SND1: variants seen among roughly 807,000 people sequenced by gnomAD.
SND1 encodes staphylococcal nuclease and tudor domain containing 1.
A neutral mutation model predicts 121.7 loss-of-function variants in SND1; 38 were observed. The observed-to-expected ratio is 0.31, with a 90% CI of 0.24 to 0.41. The LOEUF (loss-of-function observed/expected upper bound fraction) is 0.41. Among genes scored for constraint, SND1 ranks in the 10% least tolerant of loss-of-function variants. SND1 has a pLI of 1.00. For missense variants in SND1, 868 were observed against 1,184.6 expected (o/e 0.73, Z 3.92); for synonymous variants, 401 against 447.4 (o/e 0.90, Z 1.31).
chr7:127,897,527 A>G (rs1800144182), intron 13 of SND1, among the ~76,000 whole-genome samples: 1 of 152,164 alleles, frequency 6.6e-6, no homozygotes, highest in African/African-American at 2.4e-5. Flanking sequence ...TGGGATTCAT[A>G]GGGAAAGGAG....
intron 15 of SND1, among the ~76,000 whole-genome samples, chr7:127,950,975 A>G (rs192397424): frequency 6.6e-6 from 1 of 152,328 alleles, no homozygotes; most frequent in East Asian, 1.9e-4. Flanking sequence ...TGAGATTGTA[A>G]CATGGTTCAG....
At chr7:127,681,146 C>G (rs1795719338) in intron 1 of SND1, among the ~76,000 whole-genome samples, 1 of 152,166 alleles carries the variant, frequency 6.6e-6, no homozygotes, top group Admixed American at 6.5e-5. Flanking sequence ...TTTTACACAT[C>G]CTTGTCAACA....
chr7:127,880,584 C>A (rs1046963790), intron 12 of SND1, among the ~76,000 whole-genome samples: 6 of 152,048 alleles, frequency 3.9e-5, no homozygotes, highest in African/African-American at 1.4e-4. Context: ...TTCTGATCTC[C>A]ATGGATGCCT....
At chr7:127,879,087 T>G (rs1386831614) in intron 12 of SND1, among the ~76,000 whole-genome samples, 2 of 152,204 alleles carry the variant, frequency 1.3e-5, no homozygotes, top group East Asian at 3.9e-4. Flanking sequence ...AAGTTCCCTG[T>G]TAGTTTCTAT....
At chr7:128,037,605 A>G (rs1025165626) in intron 16 of SND1, among the ~76,000 whole-genome samples, 5 of 152,166 alleles carry the variant, frequency 3.3e-5, no homozygotes, top group Non-Finnish European at 2.9e-5. Context: ...GTGATGTGCC[A>G]TTTAACATGA....
chr7:128,085,775 G>A lies in SND1; in HGVS notation c.2299G>A (p.Gly767Ser), dbSNP rs770854741. Residue 767 changes from glycine (G) to serine (S), a missense_variant, in exon 20 of 24, where the codon GGC becomes AGC. Physicochemically the swap from Gly to Ser is moderately conservative, Grantham distance 56 (BLOSUM62 0). This residue lies in a region of SND1 where 743 missense variants were observed against 1,071.3 expected (regional missense o/e 0.69). Transcript: ENST00000354725. The surrounding 1 kb of genome is among the most constrained non-coding windows in gnomAD (Gnocchi z 4.4). ...AKIHVFYIDYGNREVLPSTRL... is the reference protein window; with the variant it reads ...AKIHVFYIDYSNREVLPSTRL... ...AATACATGTCTTCTACATTGACTAC[G>A]GCAACGTGAGTGTTGGGGACCAGAG... The A allele has an allele frequency of 4.3e-6, 7 of 1,613,868 alleles. No homozygotes were observed. The highest frequency in any genetic ancestry group is 1.7e-5 in the Admixed American group (1 of 60,010).
chr7:128,086,256 A>T (rs1278764744), intron 20 of SND1, among the ~76,000 whole-genome samples: 2 of 152,238 alleles, frequency 1.3e-5, no homozygotes, highest in African/African-American at 4.8e-5. Flanking sequence ...TGGGCCTGGG[A>T]GTCTGTTGAC....
At chr7:127,685,867 A>G (rs889013921) in intron 1 of SND1, 3 of 152,536 alleles carry the variant, frequency 2.0e-5, no homozygotes, top group Non-Finnish European at 4.4e-5. Flanking sequence ...AGGGGTGTGT[A>G]GGGACTTCCC....
chr7:128,070,057 C>T (rs771193029), intron 16 of SND1, among the ~76,000 whole-genome samples: 3 of 152,216 alleles, frequency 2.0e-5, no homozygotes, highest in Non-Finnish European at 4.4e-5. Context: ...GCAAGAGATG[C>T]TGGCAGACCA....
intron 16 of SND1, among the ~76,000 whole-genome samples, chr7:128,046,152 A>G (rs1306065507): frequency 6.6e-6 from 1 of 152,152 alleles, no homozygotes; most frequent in Non-Finnish European, 1.5e-5. Flanking sequence ...GCTGAAGTGC[A>G]GTGGCACAAT....
At chr7:127,712,895 T>G (rs1218574815) in intron 9 of SND1, among the ~76,000 whole-genome samples, 1 of 152,234 alleles carries the variant, frequency 6.6e-6, no homozygotes, top group Non-Finnish European at 1.5e-5. Flanking sequence ...TCTAATAGGT[T>G]TATATTCATG....
At chr7:127,964,620 G>A (rs913311585) in intron 15 of SND1, among the ~76,000 whole-genome samples, 3 of 151,946 alleles carry the variant, frequency 2.0e-5, no homozygotes, top group African/African-American at 7.3e-5. Flanking sequence ...CTATATCTCT[G>A]TTTTGGTACC....
At chr7:127,981,611 G>A (rs1802264383) in intron 15 of SND1, among the ~76,000 whole-genome samples, 1 of 152,126 alleles carries the variant, frequency 6.6e-6, no homozygotes, top group Non-Finnish European at 1.5e-5. Context: ...TCCCATGCTG[G>A]CCTGATTGTT....
At chr7:127,706,086 A>G (rs1796189551) in intron 8 of SND1, among the ~76,000 whole-genome samples, 1 of 152,220 alleles carries the variant, frequency 6.6e-6, no homozygotes, top group African/African-American at 2.4e-5. Context: ...TTGTTCTACA[A>G]TTAAGTTAGA....
chr7:127,816,479 G>T (rs575370851), intron 11 of SND1, among the ~76,000 whole-genome samples: 1 of 152,092 alleles, frequency 6.6e-6, no homozygotes, highest in East Asian at 1.9e-4. Context: ...ACCTCTTCTG[G>T]CTTCAACAAG....
At chr7:127,772,467 G>A (rs1027262602) in intron 10 of SND1, among the ~76,000 whole-genome samples, 1 of 152,116 alleles carries the variant, frequency 6.6e-6, no homozygotes, top group Non-Finnish European at 1.5e-5. Context: ...TCTGTGATTT[G>A]TTCCCTTATA....
At chr7:128,025,104 T>A (rs1323435132) in intron 16 of SND1, among the ~76,000 whole-genome samples, 1 of 152,088 alleles carries the variant, frequency 6.6e-6, no homozygotes, top group Non-Finnish European at 1.5e-5. Flanking sequence ...TTATGTAGAG[T>A]CCTGATAGTC....
chr7:127,938,767 C>G (rs1801120008), intron 15 of SND1, among the ~76,000 whole-genome samples: 1 of 152,188 alleles, frequency 6.6e-6, no homozygotes. Context: ...ACACTGTCAC[C>G]CACTGGTCAT....
chr7:127,931,407 AG>A (rs1563062115), intron 15 of SND1, among the ~76,000 whole-genome samples: 1 of 152,222 alleles, frequency 6.6e-6, no homozygotes, highest in Non-Finnish European at 1.5e-5. Flanking sequence ...AAGCTGCAGA[AG>A]AAAAATTTGA....
Sources: allele counts gnomAD v4.1 joint callset (sites outside exome capture counted in the v4.1 genomes callset), GRCh38; gene constraint gnomAD v4.1.1; regional missense constraint gnomAD v4.1.1; non-coding constraint Gnocchi (gnomAD v3.1); transcripts MANE v1.5; gene names NCBI Gene and HGNC (gene_info 2026-07-23, HGNC 2026-07-21).